The following FSHR variants were observed in gnomAD, a reference collection of about 807,000 sequenced individuals.
The protein encoded by FSHR is follicle stimulating hormone receptor.
In FSHR, 46 loss-of-function variants were observed where a neutral mutation model predicts 52.1. That is an observed-to-expected ratio of 0.88 (90% CI 0.70 to 1.13). The LOEUF is 1.13. Ranked by LOEUF, FSHR falls within the 50% of genes most tolerant of loss-of-function variation. The pLI, the probability that FSHR is intolerant of heterozygous loss-of-function variation, is 0.00. For synonymous variants in FSHR, 399 were observed against 309.6 expected (o/e 1.29, Z -3.03); for missense variants, 964 against 834.6 (o/e 1.16, Z -1.91).
At chr2:49,018,497 C>A (rs1411767289) in intron 3 of FSHR, among the ~76,000 whole-genome samples, 2 of 152,198 alleles carry the variant, frequency 1.3e-5, no homozygotes, top group Non-Finnish European at 2.9e-5. Context: ...AGGTGAGCAC[C>A]TCTTTATGCA....
At chr2:49,116,649 T>A (rs574218840) in intron 1 of FSHR, among the ~76,000 whole-genome samples, 31 of 152,332 alleles carry the variant, frequency 2.0e-4, no homozygotes, top group African/African-American at 7.0e-4. Context: ...AACCTCCATG[T>A]ATGTAGCCAA....
Position 49,153,387 on chromosome 2 carries a change from C to A in FSHR, c.152+879G>T, listed in dbSNP as rs558468562. Among the ~76,000 whole-genome samples the A allele has an allele frequency of 3.3e-5, 5 of 152,210 alleles. No homozygotes were observed. In the East Asian group the frequency reaches 9.7e-4, roughly 29 times the overall value. On this transcript the variant is annotated intron_variant, in intron 1 of 9. Coordinates refer to ENST00000406846, the MANE Select transcript of FSHR (RefSeq NM_000145.4). ...CTGAACAATTACTTCAGGCTTCCCTCACTGTTGCTCTAATGGAGTCAGTCA... is the reference window on the plus strand; with the variant it reads ...CTGAACAATTACTTCAGGCTTCCCTAACTGTTGCTCTAATGGAGTCAGTCA...
At chr2:49,084,599 A>G (rs1035687066) in intron 1 of FSHR, among the ~76,000 whole-genome samples, 3 of 152,222 alleles carry the variant, frequency 2.0e-5, no homozygotes, top group Non-Finnish European at 4.4e-5. Context: ...GACCGCTAGC[A>G]AGACTAATAA....
At chr2:48,969,580 G>C (rs1246133823) in intron 8 of FSHR, among the ~76,000 whole-genome samples, 1 of 152,192 alleles carries the variant, frequency 6.6e-6, no homozygotes, top group Non-Finnish European at 1.5e-5. Flanking sequence ...TCAGAGGGTT[G>C]TTGTTAAAAT....
chr2:49,122,887 A>G (rs1032021733), intron 1 of FSHR, among the ~76,000 whole-genome samples: 2 of 152,112 alleles, frequency 1.3e-5, no homozygotes, highest in Non-Finnish European at 2.9e-5. Context: ...CAACTTCTAC[A>G]TTTATTAAAT....
chr2:48,972,849 C>A (rs1358069015), intron 8 of FSHR, among the ~76,000 whole-genome samples: 2 of 152,114 alleles, frequency 1.3e-5, no homozygotes, highest in African/African-American at 4.8e-5. Flanking sequence ...TTATGTCTCC[C>A]CCTTGAGTTT....
intron 2 of FSHR, among the ~76,000 whole-genome samples, chr2:49,021,829 G>T (rs1558395092): frequency 2.2e-5 from 2 of 89,504 alleles, no homozygotes; most frequent in Non-Finnish European, 2.1e-5. Context: ...TGGGGTATGT[G>T]TTTCTCTCTC....
At chr2:49,130,200 G>A (rs1490127805) in intron 1 of FSHR, among the ~76,000 whole-genome samples, 1 of 152,262 alleles carries the variant, frequency 6.6e-6, no homozygotes, top group East Asian at 1.9e-4. Flanking sequence ...TTGCTAGGAG[G>A]AATAAATAAG....
intron 1 of FSHR, among the ~76,000 whole-genome samples, 169 bp from the exon 2 acceptor site, chr2:49,068,459 C>G (rs758277046): frequency 6.6e-6 from 1 of 151,976 alleles, no homozygotes; most frequent in Non-Finnish European, 1.5e-5. Context: ...ACTAGTGATA[C>G]TGAAACTATT....
At chr2:49,147,750 A>G (rs1004078166) in intron 1 of FSHR, among the ~76,000 whole-genome samples, 7 of 151,398 alleles carry the variant, frequency 4.6e-5, no homozygotes, top group Non-Finnish European at 7.4e-5. Context: ...ATTCTTCTGC[A>G]GGGAATATAA....
At chr2:49,146,562 T>C (rs1672879316) in intron 1 of FSHR, among the ~76,000 whole-genome samples, 1 of 151,932 alleles carries the variant, frequency 6.6e-6, no homozygotes, top group Admixed American at 6.6e-5. Context: ...AACAGAACTA[T>C]TCAGCCCAAG....
intron 1 of FSHR, among the ~76,000 whole-genome samples, chr2:49,107,977 G>A (rs879914224): frequency 2.0e-5 from 3 of 152,150 alleles, no homozygotes; most frequent in African/African-American, 4.8e-5. Context: ...GAGATGCCCA[G>A]TGCAAACATT....
At chr2:49,153,896 C>A (rs1022213402) in intron 1 of FSHR, among the ~76,000 whole-genome samples, 1 of 152,154 alleles carries the variant, frequency 6.6e-6, no homozygotes, top group Non-Finnish European at 1.5e-5. Flanking sequence ...TCAAAGCTGC[C>A]TTTCTGCCTC....
intron 1 of FSHR, among the ~76,000 whole-genome samples, chr2:49,116,048 G>T: frequency 6.6e-6 from 1 of 152,200 alleles, no homozygotes; most frequent in East Asian, 1.9e-4. Flanking sequence ...AGACTATTTT[G>T]GGTAAGCAAA....
intron 1 of FSHR, among the ~76,000 whole-genome samples, chr2:49,127,882 TC>T (rs1558457016): frequency 0.08 from 3,701 of 46,382 alleles, 498 homozygotes; most frequent in East Asian, 0.2. Flanking sequence ...TTCTTCTTCT[TC>T]TTCTTCTTCT....
chr2:49,121,090 C>T (rs193045093), intron 1 of FSHR, among the ~76,000 whole-genome samples: 191 of 152,330 alleles, frequency 1.3e-3, no homozygotes, highest in African/African-American at 4.5e-3. Context: ...AACCACGTGA[C>T]AAGCTGTTTT....
At chr2:49,039,902 T>C (rs1401491982) in intron 2 of FSHR, among the ~76,000 whole-genome samples, 1 of 131,462 alleles carries the variant, frequency 7.6e-6, no homozygotes, top group Non-Finnish European at 1.6e-5. Context: ...ATTTTTGTTC[T>C]TTATAACTTT....
intron 1 of FSHR, among the ~76,000 whole-genome samples, chr2:49,130,038 G>C (rs1228592127): frequency 1.3e-5 from 2 of 152,152 alleles, no homozygotes; most frequent in South Asian, 4.1e-4. Flanking sequence ...TCAAAGGACT[G>C]TGACGTCTTT....
intron 1 of FSHR, among the ~76,000 whole-genome samples, chr2:49,142,653 C>T (rs973375084): frequency 6.6e-6 from 1 of 152,094 alleles, no homozygotes; most frequent in Non-Finnish European, 1.5e-5. Context: ...TTTTGAAATG[C>T]CTCTAGCTGC....
Sources: allele counts gnomAD v4.1 joint callset (sites outside exome capture counted in the v4.1 genomes callset), GRCh38; gene constraint gnomAD v4.1.1; transcripts MANE v1.5; gene names NCBI Gene and HGNC (gene_info 2026-07-23, HGNC 2026-07-21).